The following GTF2F2 variants were observed in gnomAD, a reference collection of about 807,000 sequenced individuals.
GTF2F2 encodes the protein general transcription factor IIF subunit 2, also known as ATP-dependent helicase GTF2F2.
GTF2F2 carries 23 observed loss-of-function variants against 42.2 expected under a neutral mutation model. That is an observed-to-expected ratio of 0.55 (90% CI 0.39 to 0.77). The LOEUF is 0.77. GTF2F2 is among the 30% of genes least tolerant of loss of function. GTF2F2 has a pLI of 0.00. For synonymous variants in GTF2F2, 105 were observed against 100.8 expected, an observed-to-expected ratio of 1.04 and a Z score of -0.25; for missense variants, 261 against 287.2, an observed-to-expected ratio of 0.91 and a Z score of 0.66.
At chr13:45,260,801 C>G (rs1169116703) in intron 6 of GTF2F2, among the ~76,000 whole-genome samples, 1 of 152,000 alleles carries the variant, frequency 6.6e-6, no homozygotes, top group East Asian at 1.9e-4. Context: ...GGGTGGATCA[C>G]TTGAGTTTGA....
chr13:45,149,688 GTTT>G (rs141823802), intron 2 of GTF2F2, 79 bp from the exon 3 acceptor site: 2 of 1,285,430 alleles, frequency 1.6e-6, no homozygotes, highest in Non-Finnish European at 2.1e-6. Context: ...TAAATATGAA[GTTT>G]TTTTTTAAGC....
chr13:45,206,771 A>T (rs986099246), intron 4 of GTF2F2: 1 of 152,214 alleles, frequency 6.6e-6, no homozygotes, highest in Non-Finnish European at 1.5e-5. Flanking sequence ...CACTATAAGA[A>T]TTACTAAGGA....
intron 5 of GTF2F2, among the ~76,000 whole-genome samples, chr13:45,221,146 C>T (rs541258399): frequency 7.9e-5 from 12 of 152,142 alleles, no homozygotes; most frequent in African/African-American, 2.6e-4. Flanking sequence ...TGGTTGTTAG[C>T]CCACCTCTAA....
intron 5 of GTF2F2, among the ~76,000 whole-genome samples, chr13:45,225,623 A>G (rs1874309764): frequency 6.6e-6 from 1 of 151,904 alleles, no homozygotes; most frequent in African/African-American, 2.4e-5. Context: ...AAAAAAAAAA[A>G]AAAAAAAAGA....
At chr13:45,171,069 C>CTTTT (rs908914894) in intron 4 of GTF2F2, among the ~76,000 whole-genome samples, 12 of 94,246 alleles carry the variant, frequency 1.3e-4, no homozygotes, top group African/African-American at 3.0e-4. Flanking sequence ...AAAACCCTAT[C>CTTTT]TTTTTTTTTT....
chr13:45,124,058 C>A, intron 1 of GTF2F2: 1 of 1,096,768 alleles, frequency 9.1e-7, no homozygotes, highest in Admixed American at 1.7e-5. Flanking sequence ...CACCCTGTTG[C>A]TGTAGCCAAA....
chr13:45,140,038 T>G (rs574968953), intron 2 of GTF2F2, among the ~76,000 whole-genome samples: 11 of 152,284 alleles, frequency 7.2e-5, no homozygotes, highest in Middle Eastern at 3.4e-3. Flanking sequence ...TTGTTACTAT[T>G]TGTTTTTCTC....
intron 5 of GTF2F2, among the ~76,000 whole-genome samples, chr13:45,246,868 T>G (rs1243395779): frequency 6.6e-6 from 1 of 151,494 alleles, no homozygotes; most frequent in African/African-American, 2.4e-5. Context: ...AAACCCCGTC[T>G]CTACTAAAAA....
chr13:45,231,252 C>T (rs1398447899), intron 5 of GTF2F2, among the ~76,000 whole-genome samples: 2 of 151,972 alleles, frequency 1.3e-5, no homozygotes, highest in Non-Finnish European at 2.9e-5. Flanking sequence ...GGACTACAGG[C>T]GTATGCTACC....
At chr13:45,186,206 C>G (rs1291535254) in intron 4 of GTF2F2, among the ~76,000 whole-genome samples, 1 of 151,576 alleles carries the variant, frequency 6.6e-6, no homozygotes, top group East Asian at 1.9e-4. Flanking sequence ...AACTCCTGAC[C>G]TCAAGTGACC....
chr13:45,218,278 C>A (rs1021381344), intron 5 of GTF2F2, among the ~76,000 whole-genome samples: 8 of 152,182 alleles, frequency 5.3e-5, no homozygotes, highest in Non-Finnish European at 1.2e-4. Context: ...TGACCAAATT[C>A]CCTTAGGCAG....
chr13:45,273,852 G>T (rs1876909666), intron 7 of GTF2F2, among the ~76,000 whole-genome samples: 1 of 151,834 alleles, frequency 6.6e-6, no homozygotes, highest in African/African-American at 2.4e-5. Flanking sequence ...GTCTGCTGCT[G>T]GTTTCTTCAT....
intron 4 of GTF2F2, among the ~76,000 whole-genome samples, chr13:45,190,029 G>A (rs1415151046): frequency 1.3e-5 from 2 of 152,156 alleles, no homozygotes; most frequent in African/African-American, 4.8e-5. Flanking sequence ...AAGAGCTTCT[G>A]CACAGCAAAA....
intron 5 of GTF2F2, among the ~76,000 whole-genome samples, chr13:45,251,387 G>T (rs1875871914): frequency 6.6e-6 from 1 of 152,002 alleles, no homozygotes. Context: ...TGTTAAACTT[G>T]TATTATTTTT....
chr13:45,127,804 T>G (rs890150219), intron 1 of GTF2F2, among the ~76,000 whole-genome samples: 5 of 151,950 alleles, frequency 3.3e-5, no homozygotes, highest in African/African-American at 1.2e-4. Flanking sequence ...AGCTAATTTT[T>G]GTATTTTTGG....
rs532391920 is a variant in GTF2F2 at position 45,160,364 on chromosome 13, C to G, written c.304+8533C>G. On this transcript the variant is annotated intron_variant, in intron 4 of 7. Transcript: ENST00000340473. ...GCATTTTCAGATAGTTGTGGACATT[C>G]TTTTGCTACTACACTAAAACTCTGC... is the stretch of plus-strand genomic sequence containing the variant. 5.3e-5 allele frequency among the ~76,000 whole-genome samples: 8 copies of G among 152,306 alleles called. No individual in the cohort carries two copies. The South Asian group carries it at 1.7e-3, about 32-fold the overall frequency.
chr13:45,239,673 C>T (rs1319941616), intron 5 of GTF2F2, among the ~76,000 whole-genome samples: 1 of 152,170 alleles, frequency 6.6e-6, no homozygotes, highest in Non-Finnish European at 1.5e-5. Flanking sequence ...ACATTTGAAT[C>T]AGATGTATAA....
chr13:45,252,560 A>AT (rs1386895867), intron 5 of GTF2F2, among the ~76,000 whole-genome samples: 1 of 152,110 alleles, frequency 6.6e-6, no homozygotes, highest in Non-Finnish European at 1.5e-5. Context: ...TTACATGAAG[A>AT]TTTTTTCCCC....
chr13:45,284,087 G>A lies in GTF2F2; in HGVS notation c.*526G>A, dbSNP rs1877375501. ...TGTTCATACTCAACGTTAATAAAAG[G>A]AGAGAGTTTGTAGTGAAATGGCAGT... On this transcript the variant is annotated 3_prime_UTR_variant, in exon 8 of 8. Transcript: ENST00000340473. 1 of 152,178 alleles carries A rather than the reference G, an allele frequency of 6.6e-6. No individual in the cohort carries two copies. The highest frequency in any genetic ancestry group is 6.5e-5 in the Admixed American group (1 of 15,272). 9.4% of individuals were successfully genotyped at this position (152,178 alleles called of 1,614,324 possible).
Sources: allele counts gnomAD v4.1 joint callset (sites outside exome capture counted in the v4.1 genomes callset), GRCh38; gene constraint gnomAD v4.1.1; transcripts MANE v1.5; gene names NCBI Gene and HGNC (gene_info 2026-07-23, HGNC 2026-07-21).